Variants in ATRN observed in about 807,000 individuals in gnomAD.
The protein encoded by ATRN is attractin-2.
In ATRN, 54 loss-of-function variants were observed where a neutral mutation model predicts 178.7. The observed-to-expected ratio is 0.30, with a 90% CI of 0.24 to 0.38. The LOEUF is 0.38. Among genes scored for constraint, ATRN ranks in the 10% least tolerant of loss-of-function variants. ATRN has a pLI of 1.00. For synonymous variants in ATRN, 636 were observed against 663.0 expected (o/e 0.96, Z 0.63); for missense variants, 1,443 against 1,815.1 (o/e 0.79, Z 3.73).
chr20:3,628,386 A>G (rs1032236405), intron 25 of ATRN, among the ~76,000 whole-genome samples: 6 of 152,182 alleles, frequency 3.9e-5, no homozygotes, highest in African/African-American at 1.4e-4. Context: ...CAAGACAGAG[A>G]TCCACTTTCC....
At chr20:3,642,934 C>T (rs1409984490) in intron 27 of ATRN, among the ~76,000 whole-genome samples, 1 of 152,138 alleles carries the variant, frequency 6.6e-6, no homozygotes, top group African/African-American at 2.4e-5. Flanking sequence ...ACACACCATC[C>T]CTGGTTTAGA....
intron 1 of ATRN, among the ~76,000 whole-genome samples, chr20:3,510,025 C>T (rs935358795): frequency 2.0e-5 from 3 of 152,092 alleles, no homozygotes; most frequent in Non-Finnish European, 2.9e-5. Flanking sequence ...CTATATATAT[C>T]GTGGCTCTTG....
intron 11 of ATRN, among the ~76,000 whole-genome samples, chr20:3,571,029 G>A (rs1197473911): frequency 6.6e-6 from 1 of 152,118 alleles, no homozygotes; most frequent in Non-Finnish European, 1.5e-5. Context: ...TTTTCTCTGC[G>A]TTCCATTTTT....
intron 24 of ATRN, among the ~76,000 whole-genome samples, chr20:3,618,664 G>A (rs978095539): frequency 1.3e-5 from 2 of 152,198 alleles, no homozygotes; most frequent in Non-Finnish European, 2.9e-5. Context: ...AGGAATGAGT[G>A]GCTGAATGGC....
chr20:3,486,666 G>A (rs995234821), intron 1 of ATRN, among the ~76,000 whole-genome samples: 2 of 152,092 alleles, frequency 1.3e-5, no homozygotes, highest in African/African-American at 4.8e-5. Context: ...ACAGGTGTGA[G>A]CCACCACACC....
intron 15 of ATRN, among the ~76,000 whole-genome samples, chr20:3,580,002 T>G (rs1448707352): frequency 6.6e-6 from 1 of 152,184 alleles, no homozygotes; most frequent in East Asian, 1.9e-4. Context: ...ACTCAAACAT[T>G]GGTGACATAT....
intron 7 of ATRN, 55 bp from the exon 8 acceptor site, chr20:3,560,607 C>T: frequency 7.1e-7 from 1 of 1,417,522 alleles, no homozygotes; most frequent in Non-Finnish European, 9.7e-7. Flanking sequence ...CTTCTCTGTT[C>T]TCAGATTTAA....
intron 1 of ATRN, among the ~76,000 whole-genome samples, chr20:3,517,452 A>G (rs2085221121): frequency 6.6e-6 from 1 of 152,072 alleles, no homozygotes; most frequent in African/African-American, 2.4e-5. Context: ...TGCACTGACC[A>G]TGCAGAAACC....
At chr20:3,480,661 A>C (rs1169445905) in intron 1 of ATRN, among the ~76,000 whole-genome samples, 1 of 152,156 alleles carries the variant, frequency 6.6e-6, no homozygotes, top group African/African-American at 2.4e-5. Flanking sequence ...TTCTGTAACA[A>C]ATTACCATAG....
intron 1 of ATRN, among the ~76,000 whole-genome samples, chr20:3,511,050 T>C (rs529400702): frequency 5.4e-4 from 82 of 152,296 alleles, no homozygotes; most frequent in African/African-American, 1.8e-3. Context: ...TTTGAAAATG[T>C]TTTGAGTGGA....
At chr20:3,574,028 GTA>G (rs1340814399) in intron 12 of ATRN, among the ~76,000 whole-genome samples, 1 of 152,108 alleles carries the variant, frequency 6.6e-6, no homozygotes, top group African/African-American at 2.4e-5. Context: ...GTGAGCTACT[GTA>G]CATGGCCAGA....
At chr20:3,574,328 A>G (rs1011703341) in intron 12 of ATRN, among the ~76,000 whole-genome samples, 3 of 152,196 alleles carry the variant, frequency 2.0e-5, no homozygotes, top group African/African-American at 7.2e-5. Flanking sequence ...CCTGGGCAAC[A>G]TAGTGAGACC....
At chr20:3,641,186 A>G (rs2087064618) in intron 27 of ATRN, among the ~76,000 whole-genome samples, 1 of 152,256 alleles carries the variant, frequency 6.6e-6, no homozygotes, top group Non-Finnish European at 1.5e-5. Context: ...GGAGATGGAT[A>G]GTAATGATGG....
intron 24 of ATRN, among the ~76,000 whole-genome samples, chr20:3,611,438 C>T (rs191426197): frequency 1.5e-4 from 23 of 152,204 alleles, no homozygotes; most frequent in Admixed American, 7.2e-4. Flanking sequence ...AAAAGATGAT[C>T]GGCATCAATA....
chr20:3,534,246 G>A (rs1021220477), intron 1 of ATRN, among the ~76,000 whole-genome samples: 1 of 152,200 alleles, frequency 6.6e-6, no homozygotes, highest in Admixed American at 6.5e-5. Context: ...CAATGGATTG[G>A]TGGTCTCCAT....
intron 1 of ATRN, among the ~76,000 whole-genome samples, chr20:3,522,370 T>C (rs946182261): frequency 6.6e-6 from 1 of 152,206 alleles, no homozygotes; most frequent in Non-Finnish European, 1.5e-5. Flanking sequence ...TCTAGATTCC[T>C]TCTCTCTGGG....
intron 25 of ATRN, chr20:3,629,328 C>T (rs972391166): frequency 1.1e-4 from 109 of 983,170 alleles, no homozygotes; most frequent in Non-Finnish European, 1.3e-4. Context: ...ATTCAGCTTG[C>T]ACTCTTCTCT....
chr20:3,615,557 CTTTTTTTTTT>C (rs553919921), intron 24 of ATRN, among the ~76,000 whole-genome samples: 1 of 133,264 alleles, frequency 7.5e-6, no homozygotes, highest in Admixed American at 7.7e-5. Context: ...TTTCTTTTTT[CTTTTTTTTTT>C]TTTTTGGAGA....
intron 13 of ATRN, 128 bp from the exon 14 acceptor site, chr20:3,576,731 A>ATCTATCTATCTG (rs1329490773): frequency 7.8e-5 from 57 of 733,760 alleles, no homozygotes; most frequent in Admixed American, 3.3e-4. Context: ...CTATCTATCT[A>ATCTATCTATCTG]TCTGTCTATC....
Sources: allele counts gnomAD v4.1 joint callset (sites outside exome capture counted in the v4.1 genomes callset), GRCh38; gene constraint gnomAD v4.1.1; transcripts MANE v1.5; gene names NCBI Gene and HGNC (gene_info 2026-07-23, HGNC 2026-07-21).